Variants in KCNJ15 observed in about 807,000 individuals in gnomAD.
The protein encoded by KCNJ15 is potassium inwardly rectifying channel subfamily J member 15, also known as ATP-sensitive inward rectifier potassium channel 15.
KCNJ15 carries 14 observed loss-of-function variants against 23.0 expected under a neutral mutation model. The observed-to-expected ratio is 0.61, with a 90% CI of 0.40 to 0.95. The LOEUF (loss-of-function observed/expected upper bound fraction) is 0.95, where lower values mean the gene tolerates loss of function less well. Among genes scored for constraint, KCNJ15 ranks in the 40% least tolerant of loss-of-function variants. The pLI, the probability that KCNJ15 is intolerant of heterozygous loss-of-function variation, is 0.00. For synonymous variants in KCNJ15, 185 were observed against 183.2 expected, an observed-to-expected ratio of 1.01 and a Z score of -0.08; for missense variants, 388 against 461.8, an observed-to-expected ratio of 0.84 and a Z score of 1.46.
chr21:38,284,451 T>C (rs2836284), intron 1 of KCNJ15, among the ~76,000 whole-genome samples: 106,987 of 151,976 alleles, frequency 0.7, 38,136 homozygotes, highest in Non-Finnish European at 0.77. Flanking sequence ...GACCTGTCAC[T>C]CAGAGCTCCT....
chr21:38,259,361 C>T (rs1018176674), intron 1 of KCNJ15, among the ~76,000 whole-genome samples: 4 of 152,096 alleles, frequency 2.6e-5, no homozygotes, highest in African/African-American at 9.7e-5. Flanking sequence ...ATGACTGGCC[C>T]GTGGGAATGC....
intron 1 of KCNJ15, chr21:38,267,472 G>A (rs1981580699): frequency 1.3e-5 from 2 of 152,224 alleles, no homozygotes; most frequent in African/African-American, 4.8e-5. Context: ...TACAAAGGAT[G>A]GGGAAGAAGA....
intron 1 of KCNJ15, among the ~76,000 whole-genome samples, chr21:38,285,238 A>G (rs941673497): frequency 1.3e-5 from 2 of 152,232 alleles, no homozygotes; most frequent in African/African-American, 4.8e-5. Context: ...TCCTTTTGAT[A>G]AGTCGTATTT....
At chr21:38,255,071 C>G (rs1336336543), upstream of KCNJ15, among the ~76,000 whole-genome samples, 1 of 152,142 alleles carries the variant, frequency 6.6e-6, no homozygotes, top group Non-Finnish European at 1.5e-5. Context: ...GACTGGAACA[C>G]AGATGGTAAA....
rs1053619208 is a variant in KCNJ15, at chr21:38,306,982, A to G, written c.*6593A>G. 6.6e-6 allele frequency: 1 copy of G among 152,226 alleles called. No individual in the cohort carries two copies. The highest frequency in any genetic ancestry group is 2.4e-5 in the African/African-American group (1 of 41,468). 9.4% of individuals were successfully genotyped at this position (152,226 alleles called of 1,614,324 possible). On this transcript the variant is annotated 3_prime_UTR_variant, in exon 3 of 3. Transcript: ENST00000398938. ...TGATCACACTTAGGTCTCTTGCTATATATAGAACCACATCTGATCCTTATA... is the reference window on the plus strand; with the variant it reads ...TGATCACACTTAGGTCTCTTGCTATGTATAGAACCACATCTGATCCTTATA...
chr21:38,277,074 A>T (rs1193965061), intron 1 of KCNJ15, among the ~76,000 whole-genome samples: 1 of 151,912 alleles, frequency 6.6e-6, no homozygotes. Flanking sequence ...AAATCAATAC[A>T]TCAATAGTAG....
intron 1 of KCNJ15, among the ~76,000 whole-genome samples, chr21:38,250,612 G>A (rs529529703): frequency 8.7e-4 from 132 of 152,300 alleles, no homozygotes; most frequent in African/African-American, 3.0e-3. Context: ...GATGAAGGAC[G>A]TGCCGGAATA....
At chr21:38,259,538 A>G (rs1196303176) in intron 1 of KCNJ15, among the ~76,000 whole-genome samples, 1 of 152,208 alleles carries the variant, frequency 6.6e-6, no homozygotes, top group African/African-American at 2.4e-5. Context: ...AAATAATTCC[A>G]CACCGAAAAT....
chr21:38,259,359 C>G (rs1980636413), intron 1 of KCNJ15, among the ~76,000 whole-genome samples: 1 of 152,128 alleles, frequency 6.6e-6, no homozygotes, highest in Non-Finnish European at 1.5e-5. Context: ...CAATGACTGG[C>G]CCGTGGGAAT....
At chr21:38,256,360 T>TTATATATATATATG (rs1980232199), upstream of KCNJ15, among the ~76,000 whole-genome samples, 1 of 106,236 alleles carries the variant, frequency 9.4e-6, no homozygotes, top group Middle Eastern at 4.1e-3. Flanking sequence ...TCTATTCAGC[T>TTATATATATATATG]TATATATATA....
intron 2 of KCNJ15, 108 bp downstream of exon 2, chr21:38,297,131 A>G (rs1300530555): frequency 6.6e-6 from 1 of 152,670 alleles, no homozygotes; most frequent in Non-Finnish European, 1.5e-5. Context: ...TCCCACTGAG[A>G]AATGCTGCCC....
intron 1 of KCNJ15, among the ~76,000 whole-genome samples, chr21:38,235,431 G>A (rs1978539074): frequency 6.6e-6 from 1 of 152,092 alleles, no homozygotes; most frequent in Non-Finnish European, 1.5e-5. Flanking sequence ...GCACGCGCCT[G>A]TAATCCCAGC....
At chr21:38,273,951 G>A (rs1982370849) in intron 1 of KCNJ15, among the ~76,000 whole-genome samples, 1 of 152,184 alleles carries the variant, frequency 6.6e-6, no homozygotes, top group Non-Finnish European at 1.5e-5. Flanking sequence ...TTCTTCATGT[G>A]CTCAATTACT....
rs908560660 is a variant in KCNJ15 at position 38,302,661 on chromosome 21, T to C, written c.*2272T>C. On this transcript the variant is annotated 3_prime_UTR_variant, in exon 3 of 3. Transcript: ENST00000398938. ...ATAATGCCACGGGCATGTTTACACC[T>C]TTTCTGTTGCACTATTAAATTCTTT... 1.2e-4 allele frequency: 19 copies of C among 152,216 alleles called. No individual in the cohort carries two copies. The highest frequency in any genetic ancestry group is 2.6e-4 in the Admixed American group (4 of 15,286). 9.4% of individuals were successfully genotyped at this position (152,216 alleles called of 1,614,324 possible). A position where few individuals can be genotyped will look rare whatever the true frequency, so the allele number is the denominator to read the frequency against.
chr21:38,280,665 G>A (rs1983229838), intron 1 of KCNJ15, among the ~76,000 whole-genome samples: 1 of 152,060 alleles, frequency 6.6e-6, no homozygotes, highest in East Asian at 1.9e-4. Context: ...CAAAATTGCT[G>A]ACTACAGGAT....
chr21:38,263,248 C>T (rs1981112836), intron 1 of KCNJ15, among the ~76,000 whole-genome samples: 1 of 152,122 alleles, frequency 6.6e-6, no homozygotes, highest in African/African-American at 2.4e-5. Flanking sequence ...CCCTATACTT[C>T]CTGTCTCTGG....
At chr21:38,282,186 C>T (rs569992931) in intron 1 of KCNJ15, among the ~76,000 whole-genome samples, 3 of 152,128 alleles carry the variant, frequency 2.0e-5, no homozygotes, top group Admixed American at 6.5e-5. Flanking sequence ...AAGATATAAA[C>T]ACTTAAAAGG....
At chr21:38,281,058 G>T (rs887779653) in intron 1 of KCNJ15, among the ~76,000 whole-genome samples, 2 of 152,118 alleles carry the variant, frequency 1.3e-5, no homozygotes, top group African/African-American at 4.8e-5. Flanking sequence ...CTGGGAGCTG[G>T]TTAGAAATGC....
In KCNJ15 at chr21:38,304,451, C is replaced by T. The variant is rs978510138; in HGVS notation, c.*4062C>T. ...GCTTTCCATGATGTAATTTTTTAAG[C>T]GAAAGGTACTAACATTTCCAGTCTT... On this transcript the variant is annotated 3_prime_UTR_variant, in exon 3 of 3. Transcript: ENST00000398938. 2.0e-5 allele frequency: 3 copies of T among 151,500 alleles called. No individual in the cohort carries two copies. Among genetic ancestry groups the T allele is most frequent in the Non-Finnish European group, 4.4e-5 (3 of 67,918 alleles). The allele number at this position is 151,500 out of a possible 1,614,324, so 9.4% of individuals were successfully genotyped here. A position where few individuals can be genotyped will look rare whatever the true frequency, so the allele number is the denominator to read the frequency against.
Sources: gnomAD v4.1 joint callset for allele counts (sites outside exome capture counted in the v4.1 genomes callset) on GRCh38, gnomAD v4.1.1 for gene constraint, MANE v1.5 for transcripts, NCBI Gene and HGNC (gene_info 2026-07-23, HGNC 2026-07-21) for gene names.